Variants in TASOR2 observed in about 807,000 individuals in gnomAD.
TASOR2 encodes the protein transcription activation suppressor family member 2, also known as protein TASOR 2.
A neutral mutation model predicts 199.5 loss-of-function variants in TASOR2; 84 were observed. The ratio of observed to expected loss-of-function variants is 0.42; its 90% confidence interval spans 0.35 to 0.50. The LOEUF is 0.50. TASOR2 is among the 20% of genes least tolerant of loss of function. The pLI is 0.02. For missense variants in TASOR2, 2,796 were observed against 2,835.9 expected (o/e 0.99, Z 0.32); for synonymous variants, 1,103 against 1,046.6 (o/e 1.05, Z -1.04).
exon 12 of TASOR2, chr10:5,735,465 G>A (rs1195290089): frequency 6.2e-7 from 1 of 1,614,160 alleles, no homozygotes; most frequent in Admixed American, 1.7e-5. Flanking sequence ...TAAGCCACCT[G>A]TGAAGAAATC....
Position 5,730,287 on chromosome 10 carries a change from G to T in TASOR2, c.488-200G>T, listed in dbSNP as rs574917504. ...TTCTTTTTCAGTTCAGTGTGTGTGT[G>T]TATGTAATTTCAAGTATATGGAGAT... On this transcript the variant is annotated intron_variant, in intron 10 of 20. Coordinates refer to ENST00000328090, the Ensembl canonical transcript of TASOR2. This position sits in a 1 kb window ranked among gnomAD's most constrained non-coding sequence, Gnocchi z 4.1. Among the ~76,000 whole-genome samples the T allele has an allele frequency of 3.4e-4, 51 of 152,184 alleles. No homozygotes were observed. The highest frequency in any genetic ancestry group is 6.3e-4 in the Non-Finnish European group (43 of 68,028).
At chr10:5,741,977 G>T (rs1160625389) in intron 13 of TASOR2, 120 bp from the exon 15 acceptor site, 1 of 885,120 alleles carries the variant, frequency 1.1e-6, no homozygotes, top group African/African-American at 1.7e-5. Context: ...TTTCATATCT[G>T]TAAATTTTAA....
Position 5,719,470 on chromosome 10 carries a change from G to T in TASOR2, c.-99-1074G>T, listed in dbSNP as rs948274294. Among the ~76,000 whole-genome samples, 1 of 152,090 alleles carries T rather than the reference G, an allele frequency of 6.6e-6. No homozygotes were observed. Among genetic ancestry groups the T allele is most frequent in the Admixed American group, 6.5e-5 (1 of 15,272 alleles). ...CAATTTTCCTACCTCAGCCTCCCAA[G>T]TGGCTGGGACTACAGGCGCGCGCTA... On this transcript the variant is annotated intron_variant, in intron 3 of 20. Coordinates refer to ENST00000328090, the Ensembl canonical transcript of TASOR2. This position sits in a 1 kb window ranked among gnomAD's most constrained non-coding sequence, Gnocchi z 4.1.
rs1373938044 is a variant in TASOR2, at chr10:5,742,003, C to A, written c.2328-94C>A. 47 of 1,176,498 alleles carry A rather than the reference C, an allele frequency of 4.0e-5. No homozygotes were observed. The highest frequency in any genetic ancestry group is 1.5e-5 in the Non-Finnish European group (12 of 819,242). 72.9% of individuals were successfully genotyped at this position (1,176,498 alleles called of 1,614,324 possible). ...TAAATTTTAAAAATAAAAACAAAAA[C>A]TAAGGAATATTGGAGGCACTTGCTT... On this transcript the variant is annotated intron_variant, in intron 13 of 20. Coordinates refer to ENST00000328090, the Ensembl canonical transcript of TASOR2. This position sits in a 1 kb window ranked among gnomAD's most constrained non-coding sequence, Gnocchi z 4.2.
In TASOR2 at chr10:5,699,893, G is replaced by T. The variant is rs1160209192; in HGVS notation, c.-287-12930G>T. Among the ~76,000 whole-genome samples the T allele has an allele frequency of 6.6e-6, 1 of 152,130 alleles. No individual in the cohort carries two copies. The highest frequency in any genetic ancestry group is 2.4e-5 in the African/African-American group (1 of 41,432). ...ATGTGATAATACAGTCATATAATTT[G>T]TAGAGATCAAGTCAGTGTAGTTGGG... On this transcript the variant is annotated intron_variant, in intron 1 of 20. Coordinates refer to ENST00000328090, the Ensembl canonical transcript of TASOR2. This position sits in a 1 kb window ranked among gnomAD's most constrained non-coding sequence, Gnocchi z 4.1.
intron 1 of TASOR2, among the ~76,000 whole-genome samples, chr10:5,707,864 A>T (rs1315058466): frequency 6.6e-5 from 10 of 152,110 alleles, no homozygotes; most frequent in Admixed American, 6.5e-4. Flanking sequence ...TTGGGAAGTC[A>T]ATCCAATGTG....
Position 5,739,930 on chromosome 10 carries a change from G to A in TASOR2, c.1760G>A (p.Gly587Glu). The change falls in exon 13 of 21, where the codon GGA (glycine) becomes GAA (glutamate). Residue 587 changes from glycine (G) to glutamate (E), a missense_variant. Around this residue, in one of 3 missense-constraint regions of TASOR2, gnomAD observed 847 missense variants for 887.4 expected, o/e 0.95. Transcript: ENST00000328090. ...ACATCTGACCATGAATATCATAGAGGAGTTAAAACTCAAAAAGGTGAATTA... is the reference window on the plus strand; with the variant it reads ...ACATCTGACCATGAATATCATAGAGAAGTTAAAACTCAAAAAGGTGAATTA... 1 of 1,614,076 alleles carries A rather than the reference G, an allele frequency of 6.2e-7. No homozygotes were observed. Among genetic ancestry groups the A allele is most frequent in the East Asian group, 2.2e-5 (1 of 44,888 alleles).
chr10:5,702,377 T>G (rs923840365), intron 1 of TASOR2, among the ~76,000 whole-genome samples: 1 of 152,192 alleles, frequency 6.6e-6, no homozygotes, highest in African/African-American at 2.4e-5. Flanking sequence ...AATTTTTGCA[T>G]CTATGTTTAT....
Position 5,713,805 on chromosome 10 carries a change from T to C in TASOR2, c.-192+887T>C, listed in dbSNP as rs556302753. 7.3e-5 allele frequency: 12 copies of C among 165,228 alleles called. No homozygotes were observed. The East Asian group carries it at 1.8e-3, about 24-fold the overall frequency. 10.2% of individuals were successfully genotyped at this position (165,228 alleles called of 1,614,324 possible). ...TTTTTGTTGATTGAAATGGTAAAAT[T>C]CTATGAAAAGTTTGGGCCATTAATC... On this transcript the variant is annotated intron_variant, in intron 2 of 20. Coordinates refer to ENST00000328090, the Ensembl canonical transcript of TASOR2.
exon 21 of TASOR2, chr10:5,763,035 C>T (rs773732502): frequency 1.2e-6 from 2 of 1,611,590 alleles, no homozygotes; most frequent in East Asian, 2.2e-5. Context: ...TCAGGTGACT[C>T]AACTACAGCC....
At chr10:5,709,387 G>C (rs1278079059) in intron 1 of TASOR2, 4 of 492,762 alleles carry the variant, frequency 8.1e-6, no homozygotes, top group Non-Finnish European at 1.3e-5. Context: ...TAAGTCCTTA[G>C]CTGAGAATAC....
Position 5,740,413 on chromosome 10 carries a change from A to T in TASOR2, c.2243A>T (p.Lys748Ile). The change falls in exon 13 of 21, where the codon AAA becomes ATA. Residue 748 changes from lysine (K) to isoleucine (I), a missense_variant. Physicochemically the swap from Lys to Ile is moderately radical, Grantham distance 102 (BLOSUM62 -3). Around this residue, in one of 3 missense-constraint regions of TASOR2, gnomAD observed 847 missense variants for 887.4 expected, o/e 0.95. Coordinates refer to ENST00000328090, the Ensembl canonical transcript of TASOR2. This position sits in a 1 kb window ranked among gnomAD's most constrained non-coding sequence, Gnocchi z 5.3. Reference sequence around the variant, plus strand: ...GATGACTCCGTTAAGATCACTTTCAAATGTGAAACAGAATATGCATTCAGT... The same window carrying T: ...GATGACTCCGTTAAGATCACTTTCATATGTGAAACAGAATATGCATTCAGT... 1 of 1,614,210 alleles carries T rather than the reference A, an allele frequency of 6.2e-7. No individual in the cohort carries two copies. The highest frequency in any genetic ancestry group is 1.1e-5 in the South Asian group (1 of 91,086).
At chr10:5,757,323 T>A (rs2246399) in intron 16 of TASOR2, among the ~76,000 whole-genome samples, 197 bp from the exon 18 acceptor site, 68,519 of 151,896 alleles carry the variant, frequency 0.45, 16,155 homozygotes, top group East Asian at 0.79. Context: ...ACTAATTTTG[T>A]TGAGTTTGCA....
At position 5,756,749 on chromosome 10, in the gene TASOR2, AATACCTT is replaced by A; in HGVS notation, c.6732+13_6732+19del. ...TCACATTTGCATCAGGTCGGTTGGAAATACCTTACAAAGAAACGTATTCCAGGCACAT... is the reference window on the plus strand; with the variant it reads ...TCACATTTGCATCAGGTCGGTTGGAAACAAAGAAACGTATTCCAGGCACAT... On this transcript the variant is annotated intron_variant, in intron 16 of 20. Coordinates refer to ENST00000328090, the Ensembl canonical transcript of TASOR2. 2.5e-6 allele frequency: 4 copies of A among 1,609,902 alleles called. No individual in the cohort carries two copies. The highest frequency in any genetic ancestry group is 2.5e-6 in the Non-Finnish European group (3 of 1,178,486).
In TASOR2 at chr10:5,737,324, C is replaced by CT. The variant is rs1275587845; in HGVS notation, c.1447+1781dup. On this transcript the variant is annotated intron_variant, in intron 12 of 20. Transcript: ENST00000328090. The surrounding 1 kb of genome is among the most constrained non-coding windows in gnomAD (Gnocchi z 4.9). ...TTCAACTTAAGCATACCCTGAGATT[C>CT]TTTAAGTTTTTTCAGATTGTTTTAT... Among the ~76,000 whole-genome samples the CT allele has an allele frequency of 4.6e-5, 7 of 150,968 alleles. No homozygotes were observed. The highest frequency in any genetic ancestry group is 1.3e-4 in the Admixed American group (2 of 15,144).
intron 10 of TASOR2, among the ~76,000 whole-genome samples, chr10:5,728,651 A>C (rs757137438): frequency 2.0e-5 from 3 of 152,172 alleles, no homozygotes; most frequent in Non-Finnish European, 2.9e-5. Flanking sequence ...AGTTACTTGA[A>C]GCAGAACGCT....
At chr10:5,756,061 AT>A (rs1413566169) in intron 15 of TASOR2, among the ~76,000 whole-genome samples, 6 of 152,046 alleles carry the variant, frequency 3.9e-5, no homozygotes, top group African/African-American at 1.4e-4. Context: ...AATTACACAA[AT>A]TTACCCTCCC....
At position 5,720,468 on chromosome 10, in the gene TASOR2, G is replaced by C. The variant is rs572214846; in HGVS notation, c.-99-76G>C. On this transcript the variant is annotated intron_variant, in intron 3 of 20. Coordinates refer to ENST00000328090, the Ensembl canonical transcript of TASOR2. This position sits in a 1 kb window ranked among gnomAD's most constrained non-coding sequence, Gnocchi z 5.3. ...TCTAATGTGTTAAATTTCAGGGCTC[G>C]GTGGGGTTGAGAAAAACTTGGTACA... The C allele has an allele frequency of 7.0e-7, 1 of 1,431,728 alleles. No homozygotes were observed. Among genetic ancestry groups the C allele is most frequent in the Admixed American group, 2.9e-5 (1 of 34,238 alleles). The allele number at this position is 1,431,728 out of a possible 1,614,324, so 88.7% of individuals were successfully genotyped here. A position where few individuals can be genotyped will look rare whatever the true frequency, so the allele number is the denominator to read the frequency against.
At position 5,740,906 on chromosome 10, in the gene TASOR2, A is replaced by G. The variant is rs1268668746; in HGVS notation, c.2327+409A>G. On this transcript the variant is annotated intron_variant, in intron 13 of 20. Transcript: ENST00000328090. This position sits in a 1 kb window ranked among gnomAD's most constrained non-coding sequence, Gnocchi z 5.3. ...AGCTTGGTAAATTGGTCAGATTGAT[A>G]GGAGTAAGCAGTTTCACATAAGATT... 6.6e-6 allele frequency among the ~76,000 whole-genome samples: 1 copy of G among 152,248 alleles called. No individual in the cohort carries two copies. The highest frequency in any genetic ancestry group is 1.5e-5 in the Non-Finnish European group (1 of 68,040).
Sources: allele counts gnomAD v4.1 joint callset (sites outside exome capture counted in the v4.1 genomes callset), GRCh38; gene constraint gnomAD v4.1.1; regional missense constraint gnomAD v4.1.1; non-coding constraint Gnocchi (gnomAD v3.1); transcripts MANE v1.5; gene names NCBI Gene and HGNC (gene_info 2026-07-23, HGNC 2026-07-21).